The following DNM3 variants were observed in gnomAD, a reference collection of about 807,000 sequenced individuals.
DNM3 encodes the protein dynamin-3.
DNM3 carries 47 observed loss-of-function variants against 101.6 expected under a neutral mutation model. The ratio of observed to expected loss-of-function variants is 0.46; its 90% confidence interval spans 0.37 to 0.59. The LOEUF (loss-of-function observed/expected upper bound fraction) is 0.59. Ranked by LOEUF, DNM3 falls within the 20% of genes least tolerant of loss-of-function variation. DNM3 has a pLI of 0.00. For missense variants in DNM3, 849 were observed against 1,085.7 expected, an observed-to-expected ratio of 0.78 and a Z score of 3.06; for synonymous variants, 385 against 387.9, an observed-to-expected ratio of 0.99 and a Z score of 0.09.
intron 20 of DNM3, among the ~76,000 whole-genome samples, chr1:172,400,890 G>A (rs540850024): frequency 6.6e-5 from 10 of 152,092 alleles, no homozygotes; most frequent in East Asian, 1.9e-4. Context: ...TTAACTTTCC[G>A]TACTTTCTGG....
rs2071210744 is a variant in DNM3 at position 172,411,606 on chromosome 1, A to G, written c.*3765A>G. On this transcript the variant is annotated 3_prime_UTR_variant, in exon 21 of 21. Transcript: ENST00000627582. ...TTTTCTGAGTAAATTTGCTGAAAAT[A>G]TAAGAGAGAAGCTATCTAATACCTT... 2 of 985,206 alleles carry G rather than the reference A, an allele frequency of 2.0e-6. No homozygotes were observed. The highest frequency in any genetic ancestry group is 2.4e-6 in the Non-Finnish European group (2 of 829,802). 61.0% of individuals were successfully genotyped at this position (985,206 alleles called of 1,614,324 possible).
At chr1:171,972,474 T>G (rs190401979) in intron 2 of DNM3, among the ~76,000 whole-genome samples, 1 of 152,346 alleles carries the variant, frequency 6.6e-6, no homozygotes, top group Non-Finnish European at 1.5e-5. Flanking sequence ...TTAGGTTGTT[T>G]TGATAGGCAT....
chr1:172,114,237 A>AC (rs1263798864), intron 13 of DNM3, among the ~76,000 whole-genome samples: 1 of 152,202 alleles, frequency 6.6e-6, no homozygotes, highest in Non-Finnish European at 1.5e-5. Context: ...GTCGTGGCTA[A>AC]CCATGCAAAG....
intron 14 of DNM3, among the ~76,000 whole-genome samples, chr1:172,155,449 A>T (rs1433842657): frequency 6.6e-6 from 1 of 151,880 alleles, no homozygotes; most frequent in African/African-American, 2.4e-5. Context: ...TATTTTATAT[A>T]CTCTTATTTA....
intron 14 of DNM3, among the ~76,000 whole-genome samples, chr1:172,156,045 C>T (rs777023526): frequency 3.3e-5 from 5 of 151,936 alleles, no homozygotes; most frequent in South Asian, 2.1e-4. Flanking sequence ...ATCCATAGAA[C>T]GAGGATAATA....
At chr1:171,879,653 C>T (rs546513911) in intron 1 of DNM3, among the ~76,000 whole-genome samples, 4 of 152,318 alleles carry the variant, frequency 2.6e-5, no homozygotes, top group South Asian at 4.1e-4. Flanking sequence ...GCACAGTGGA[C>T]TGCGTGCCAG....
chr1:172,153,267 C>G (rs771136226), intron 14 of DNM3, among the ~76,000 whole-genome samples: 24 of 152,252 alleles, frequency 1.6e-4, no homozygotes, highest in Non-Finnish European at 4.4e-5. Flanking sequence ...CATTCTGCAA[C>G]AAGTTCATAC....
At chr1:172,179,974 C>A (rs961926535) in intron 14 of DNM3, among the ~76,000 whole-genome samples, 1 of 151,906 alleles carries the variant, frequency 6.6e-6, no homozygotes, top group African/African-American at 2.4e-5. Context: ...TTCAGTAAAG[C>A]CTAATTGTAT....
At chr1:172,326,017 A>C (rs562836139) in intron 17 of DNM3, among the ~76,000 whole-genome samples, 1 of 152,254 alleles carries the variant, frequency 6.6e-6, no homozygotes, top group South Asian at 2.1e-4. Context: ...AGACAGCCAA[A>C]TTGATCTGCT....
intron 1 of DNM3, among the ~76,000 whole-genome samples, chr1:171,903,882 T>G (rs1006677983): frequency 6.6e-6 from 1 of 152,210 alleles, no homozygotes; most frequent in African/African-American, 2.4e-5. Flanking sequence ...GCCAAGATAA[T>G]CACAGAGCTA....
chr1:172,388,470 T>C, intron 19 of DNM3, 103 bp from the exon 20 acceptor site: 1 of 1,037,556 alleles, frequency 9.6e-7, no homozygotes, highest in Non-Finnish European at 1.4e-6. Context: ...ACTTATTCAG[T>C]CAAAAAATAA....
At chr1:172,291,404 C>T (rs973597904) in intron 15 of DNM3, among the ~76,000 whole-genome samples, 7 of 152,126 alleles carry the variant, frequency 4.6e-5, no homozygotes, top group African/African-American at 1.4e-4. Flanking sequence ...GAAGTTCATG[C>T]GGACCTTAGG....
Position 172,301,804 on chromosome 1 carries a change from A to T in DNM3, c.1770-6924A>T, listed in dbSNP as rs141653058. On this transcript the variant is annotated intron_variant, in intron 15 of 20. Transcript: ENST00000627582. ...TAAGTGAAAAAGCATGACACAAGAT[A>T]ATAGAGAACTAGAGAGGAATAGAGG... 6.8e-3 allele frequency among the ~76,000 whole-genome samples: 1,032 copies of T among 152,270 alleles called. 11 individuals carry two copies. The highest frequency in any genetic ancestry group is 0.024 in the African/African-American group (986 of 41,536).
chr1:172,130,295 T>G (rs544009778), intron 13 of DNM3, among the ~76,000 whole-genome samples: 1 of 152,298 alleles, frequency 6.6e-6, no homozygotes, highest in Non-Finnish European at 1.5e-5. Flanking sequence ...CATTTCTAGT[T>G]CTGTGACAAC....
intron 1 of DNM3, among the ~76,000 whole-genome samples, chr1:171,859,163 G>A (rs2033923303): frequency 2.0e-5 from 3 of 152,102 alleles, no homozygotes; most frequent in African/African-American, 7.2e-5. Context: ...ACCTGGCTGT[G>A]TAGCATACCC....
intron 17 of DNM3, among the ~76,000 whole-genome samples, chr1:172,336,283 G>C (rs973798507): frequency 6.6e-6 from 1 of 152,032 alleles, no homozygotes; most frequent in African/African-American, 2.4e-5. Context: ...GAACGCATCA[G>C]GATTTGATTA....
intron 14 of DNM3, among the ~76,000 whole-genome samples, chr1:172,134,789 AC>A (rs2057126410): frequency 6.6e-6 from 1 of 152,146 alleles, no homozygotes; most frequent in African/African-American, 2.4e-5. Context: ...GGTAGGGGGT[AC>A]TTTACATTGG....
At chr1:172,159,085 T>A (rs1364540046) in intron 14 of DNM3, among the ~76,000 whole-genome samples, 1 of 152,036 alleles carries the variant, frequency 6.6e-6, no homozygotes, top group Non-Finnish European at 1.5e-5. Context: ...ATCTAAATGG[T>A]CACATTCGTC....
intron 15 of DNM3, among the ~76,000 whole-genome samples, chr1:172,292,198 A>G (rs2063947300): frequency 6.6e-6 from 1 of 152,128 alleles, no homozygotes. Context: ...TCACATATAT[A>G]ATCCATTTTT....
Sources: allele counts gnomAD v4.1 joint callset (sites outside exome capture counted in the v4.1 genomes callset), GRCh38; gene constraint gnomAD v4.1.1; transcripts MANE v1.5; gene names NCBI Gene and HGNC (gene_info 2026-07-23, HGNC 2026-07-21).